KCNH7: variants seen among roughly 807,000 people sequenced by gnomAD.
KCNH7 encodes potassium voltage-gated channel subfamily H member 7.
In KCNH7, 49 loss-of-function variants were observed where a neutral mutation model predicts 120.8. That is an observed-to-expected ratio of 0.41 (90% CI 0.32 to 0.51). KCNH7 has a LOEUF of 0.51. Among genes scored for constraint, KCNH7 ranks in the 20% least tolerant of loss-of-function variants. The pLI is 0.38. For missense variants in KCNH7, 1,097 were observed against 1,446.6 expected (o/e 0.76, Z 3.92); for synonymous variants, 547 against 516.1 (o/e 1.06, Z -0.81).
At chr2:162,439,760 C>G (rs1688362761) in intron 7 of KCNH7, among the ~76,000 whole-genome samples, 1 of 151,848 alleles carries the variant, frequency 6.6e-6, no homozygotes. Flanking sequence ...GCCCTAGATG[C>G]CTTCTTATAT....
chr2:162,601,632 C>T (rs1694561138), intron 2 of KCNH7, among the ~76,000 whole-genome samples: 1 of 151,758 alleles, frequency 6.6e-6, no homozygotes, highest in African/African-American at 2.4e-5. Flanking sequence ...ATAATCCATA[C>T]AATTATCTGT....
intron 12 of KCNH7, among the ~76,000 whole-genome samples, chr2:162,386,909 T>C (rs368533608): frequency 6.6e-6 from 1 of 151,786 alleles, no homozygotes; most frequent in East Asian, 2.0e-4. Flanking sequence ...TATTGTTAAG[T>C]TGAATGATAA....
At chr2:162,372,699 C>CT (rs1339456486) in intron 15 of KCNH7, among the ~76,000 whole-genome samples, 1 of 152,058 alleles carries the variant, frequency 6.6e-6, no homozygotes, top group Non-Finnish European at 1.5e-5. Context: ...TCCCGAACAT[C>CT]TAAAAAAGTT....
At chr2:162,577,329 C>T (rs1465921934) in intron 2 of KCNH7, among the ~76,000 whole-genome samples, 1 of 119,214 alleles carries the variant, frequency 8.4e-6, no homozygotes, top group Non-Finnish European at 1.9e-5. Flanking sequence ...ATCTATCTAT[C>T]TGTCTATCAT....
chr2:162,573,888 T>C (rs1693577929), intron 2 of KCNH7, among the ~76,000 whole-genome samples: 1 of 151,978 alleles, frequency 6.6e-6, no homozygotes, highest in Non-Finnish European at 1.5e-5. Context: ...TGCAAGGACA[T>C]TGTGGCATAT....
intron 2 of KCNH7, among the ~76,000 whole-genome samples, chr2:162,706,980 T>C (rs1247877390): frequency 1.8e-4 from 28 of 152,120 alleles, no homozygotes; most frequent in Non-Finnish European, 7.4e-5. Flanking sequence ...TTTCATGGTG[T>C]TCTTTAACAG....
chr2:162,757,289 G>T (rs1313698045), intron 2 of KCNH7, among the ~76,000 whole-genome samples: 5 of 152,076 alleles, frequency 3.3e-5, no homozygotes, highest in Non-Finnish European at 5.9e-5. Flanking sequence ...GATTGAAATA[G>T]TATCATTTGG....
At chr2:162,749,259 G>A (rs984162307) in intron 2 of KCNH7, among the ~76,000 whole-genome samples, 10 of 147,282 alleles carry the variant, frequency 6.8e-5, no homozygotes, top group East Asian at 6.0e-4. Context: ...TAAGACTTTC[G>A]ATCACCTTTT....
chr2:162,446,516 A>G, intron 6 of KCNH7, 73 bp from the exon 7 acceptor site: 1 of 1,109,570 alleles, frequency 9.0e-7, no homozygotes, highest in Non-Finnish European at 1.3e-6. Flanking sequence ...TCAAATATTA[A>G]GGGAACTAAT....
intron 2 of KCNH7, among the ~76,000 whole-genome samples, chr2:162,583,249 C>G (rs1693936590): frequency 6.6e-6 from 1 of 151,992 alleles, no homozygotes; most frequent in African/African-American, 2.4e-5. Flanking sequence ...AGAGAAGATA[C>G]AGATTTCCAA....
At chr2:162,679,587 C>T (rs769290307) in intron 2 of KCNH7, among the ~76,000 whole-genome samples, 5 of 151,584 alleles carry the variant, frequency 3.3e-5, no homozygotes, top group African/African-American at 1.2e-4. Context: ...ATAACAACAT[C>T]AAAGTATGCA....
chr2:162,724,313 G>C (rs1189550305), intron 2 of KCNH7, among the ~76,000 whole-genome samples: 1 of 152,066 alleles, frequency 6.6e-6, no homozygotes, highest in Non-Finnish European at 1.5e-5. Flanking sequence ...ACATACCTAT[G>C]ATAAAGTTGA....
At chr2:162,493,024 C>A (rs1392627820) in intron 6 of KCNH7, among the ~76,000 whole-genome samples, 1 of 151,794 alleles carries the variant, frequency 6.6e-6, no homozygotes, top group Non-Finnish European at 1.5e-5. Flanking sequence ...GAGAAGGTGC[C>A]ACAGACTCCA....
chr2:162,415,347 T>C (rs1687508468), intron 9 of KCNH7, among the ~76,000 whole-genome samples: 1 of 152,134 alleles, frequency 6.6e-6, no homozygotes, highest in South Asian at 2.1e-4. Context: ...GCACAGAAGA[T>C]GCTTCCCAAT....
intron 2 of KCNH7, among the ~76,000 whole-genome samples, chr2:162,707,182 G>GT (rs889190591): frequency 6.6e-6 from 1 of 152,008 alleles, no homozygotes; most frequent in Non-Finnish European, 1.5e-5. Flanking sequence ...TTTTTGTTTA[G>GT]TTTTTTAAAA....
intron 14 of KCNH7, 71 bp downstream of exon 14, chr2:162,379,782 T>C (rs555476306): frequency 2.4e-5 from 35 of 1,441,808 alleles, no homozygotes; most frequent in South Asian, 3.9e-5. Flanking sequence ...AATTTTCCAT[T>C]TGTAAGGAGT....
intron 2 of KCNH7, among the ~76,000 whole-genome samples, chr2:162,819,613 C>T (rs559234363): frequency 2.2e-4 from 33 of 152,122 alleles, no homozygotes; most frequent in Non-Finnish European, 4.0e-4. Context: ...AAGAACCATG[C>T]TAATCTGGTT....
intron 2 of KCNH7, among the ~76,000 whole-genome samples, chr2:162,585,134 G>T (rs1044711873): frequency 3.3e-5 from 5 of 152,068 alleles, no homozygotes; most frequent in African/African-American, 1.2e-4. Flanking sequence ...GCTGGGTGTG[G>T]GCTCTCTCCT....
chr2:162,798,286 G>A (rs761710778), intron 2 of KCNH7, among the ~76,000 whole-genome samples: 31 of 151,970 alleles, frequency 2.0e-4, no homozygotes, highest in African/African-American at 2.9e-4. Context: ...TGAATTGGCC[G>A]TCCCAGAGAA....
Sources: allele counts gnomAD v4.1 joint callset (sites outside exome capture counted in the v4.1 genomes callset), GRCh38; gene constraint gnomAD v4.1.1; transcripts MANE v1.5; gene names NCBI Gene and HGNC (gene_info 2026-07-23, HGNC 2026-07-21).